The following SLC6A17 variants were observed in gnomAD, a reference collection of about 807,000 sequenced individuals.
SLC6A17 encodes the protein sodium-dependent neutral amino acid transporter SLC6A17.
A neutral mutation model predicts 64.5 loss-of-function variants in SLC6A17; 21 were observed. The ratio of observed to expected loss-of-function variants is 0.33; its 90% CI spans 0.23 to 0.47. The LOEUF is 0.47. SLC6A17 is among the 20% of genes least tolerant of loss of function. The probability of loss-of-function intolerance (pLI) is 1.00; values close to 1 mark genes in which losing one functional copy is unlikely to be tolerated. For synonymous variants in SLC6A17, 372 were observed against 399.5 expected, an observed-to-expected ratio of 0.93 and a Z score of 0.82; for missense variants, 682 against 963.2, an observed-to-expected ratio of 0.71 and a Z score of 3.86.
chr1:110,153,060 A>T (rs1013489089), intron 1 of SLC6A17, among the ~76,000 whole-genome samples: 6 of 152,138 alleles, frequency 3.9e-5, no homozygotes, highest in African/African-American at 1.4e-4. Context: ...GTGTTGGGGT[A>T]GGGGTGGGGT....
chr1:110,198,011 G>C, intron 11 of SLC6A17, 65 bp from the exon 12 acceptor site: 1 of 1,549,782 alleles, frequency 6.5e-7, no homozygotes, highest in Admixed American at 1.8e-5. Flanking sequence ...GAGCAGTCTT[G>C]GAGGGCCTGG....
At chr1:110,186,885 G>C (rs139966233) in intron 6 of SLC6A17, among the ~76,000 whole-genome samples, 1 of 152,208 alleles carries the variant, frequency 6.6e-6, no homozygotes, top group East Asian at 1.9e-4. Flanking sequence ...ATTCATGGTG[G>C]GTTTTGAGAA....
chr1:110,169,979 G>A (rs934122485), intron 2 of SLC6A17, among the ~76,000 whole-genome samples: 1 of 152,206 alleles, frequency 6.6e-6, no homozygotes, highest in African/African-American at 2.4e-5. Context: ...GCCTGCCTGA[G>A]GTGGACAGAG....
chr1:110,179,744 G>A (rs1656470686), intron 6 of SLC6A17, among the ~76,000 whole-genome samples: 1 of 151,938 alleles, frequency 6.6e-6, no homozygotes. Context: ...GTAGAGACGG[G>A]GTTTCTCCAT....
intron 6 of SLC6A17, among the ~76,000 whole-genome samples, chr1:110,182,316 G>A (rs1656551451): frequency 6.6e-6 from 1 of 152,158 alleles, no homozygotes; most frequent in African/African-American, 2.4e-5. Flanking sequence ...GACAGTGGAG[G>A]GAACAGATTT....
intron 5 of SLC6A17, 107 bp from the exon 6 acceptor site, chr1:110,176,522 T>G (rs1041888542): frequency 1.2e-5 from 13 of 1,051,910 alleles, no homozygotes; most frequent in African/African-American, 1.1e-4. Flanking sequence ...GGCTCTGTTT[T>G]CTGCTGCCAT....
At chr1:110,173,937 G>GTAGCATTAAAAAA in intron 3 of SLC6A17, 36 bp from the exon 4 acceptor site, 2 of 1,597,658 alleles carry the variant, frequency 1.3e-6, no homozygotes, top group South Asian at 2.3e-5. Context: ...GGAGTTGCCT[G>GTAGCATTAAAAAA]CAGCCTCAGT....
chr1:110,199,980 G>A lies in SLC6A17; in HGVS notation c.*1536G>A. The A allele has an allele frequency of 2.5e-6, 1 of 397,684 alleles. No homozygotes were observed. Among genetic ancestry groups the A allele is most frequent in the East Asian group, 3.6e-5 (1 of 28,006 alleles). The allele number at this position is 397,684 out of a possible 1,614,324, so 24.6% of individuals were successfully genotyped here. On this transcript the variant is annotated 3_prime_UTR_variant, in exon 12 of 12. Coordinates refer to ENST00000331565, the MANE Select transcript of SLC6A17 (RefSeq NM_001010898.4). ...GGATGGATGGATGGACGGATGGGGT[G>A]GGGGAAGGAAGGAAAGGAGGGAGAA...
At chr1:110,161,533 G>A (rs575744507) in intron 1 of SLC6A17, among the ~76,000 whole-genome samples, 11 of 152,224 alleles carry the variant, frequency 7.2e-5, no homozygotes, top group Middle Eastern at 6.8e-3. Flanking sequence ...GGGGAGGGGC[G>A]GGGCAGGGTA....
At chr1:110,174,651 A>G (rs1043468561) in intron 4 of SLC6A17, 128 bp from the exon 5 acceptor site, 1 of 1,172,050 alleles carries the variant, frequency 8.5e-7, no homozygotes. Flanking sequence ...CAAGATGAGC[A>G]CAGCCCCTCC....
rs1354511169 is a variant in SLC6A17, at chr1:110,199,774, G to C, written c.*1330G>C. ...GCCATTACCTTCAGGGCCTCCTCTGGAAGAGAACCCATTCTCAGAGTGCAG... is the reference window on the plus strand; with the variant it reads ...GCCATTACCTTCAGGGCCTCCTCTGCAAGAGAACCCATTCTCAGAGTGCAG... On this transcript the variant is annotated 3_prime_UTR_variant, in exon 12 of 12. Transcript: ENST00000331565. The C allele has an allele frequency of 5.1e-6, 2 of 394,284 alleles. No individual in the cohort carries two copies. Among genetic ancestry groups the C allele is most frequent in the Non-Finnish European group, 8.9e-6 (2 of 223,974 alleles). The allele number at this position is 394,284 out of a possible 1,614,324, so 24.4% of individuals were successfully genotyped here. A position where few individuals can be genotyped will look rare whatever the true frequency, so the allele number is the denominator to read the frequency against.
At chr1:110,161,389 A>G (rs1304193637) in intron 1 of SLC6A17, among the ~76,000 whole-genome samples, 1 of 151,980 alleles carries the variant, frequency 6.6e-6, no homozygotes, top group Non-Finnish European at 1.5e-5. Context: ...GACCACTTCC[A>G]CTGATTTCCT....
chr1:110,197,512 T>A lies in SLC6A17; in HGVS notation c.1728T>A (p.Ser576=). Residue 576 remains serine (S), a synonymous_variant, in exon 11 of 12, where the codon TCT becomes TCA. Transcript: ENST00000331565. ...ATTTCTACATGTGGAAGTTCGTGTC[T>A]CCACTATGCATGGCTGTGCTCACCA... ...RFYFYMWKFV[S]PLCMAVLTTA... 1 of 1,613,728 alleles carries A rather than the reference T, an allele frequency of 6.2e-7. No individual in the cohort carries two copies. Among genetic ancestry groups the A allele is most frequent in the East Asian group, 2.2e-5 (1 of 44,870 alleles).
In SLC6A17 at chr1:110,198,184, C is replaced by T; in HGVS notation, c.1924C>T (p.His642Tyr). The change falls in exon 12 of 12, where the codon CAC becomes TAC. Residue 642 changes from histidine to tyrosine, a missense_variant. Coordinates refer to ENST00000331565, the MANE Select transcript of SLC6A17 (RefSeq NM_001010898.4). The stretch of plus-strand genomic sequence containing the variant: ...TGTGGTGTTCGTCCTGCGGCACTTC[C>T]ACCTGCTCTCTGATGGCTCCAACAC... ...IPVVFVLRHF[H>Y]LLSDGSNTLS... 1.2e-6 allele frequency: 2 copies of T among 1,614,162 alleles called. No individual in the cohort carries two copies. Among genetic ancestry groups the T allele is most frequent in the Middle Eastern group, 3.3e-4 (2 of 6,062 alleles).
At chr1:110,169,447 G>A (rs1032355133) in intron 2 of SLC6A17, among the ~76,000 whole-genome samples, 2 of 152,134 alleles carry the variant, frequency 1.3e-5, no homozygotes, top group Non-Finnish European at 2.9e-5. Context: ...TTACCCAGAT[G>A]AGAAAACCAG....
chr1:110,160,131 A>C (rs1162022786), intron 1 of SLC6A17, among the ~76,000 whole-genome samples: 4 of 152,216 alleles, frequency 2.6e-5, no homozygotes, highest in Non-Finnish European at 5.9e-5. Context: ...GCTGGTAGGT[A>C]AGCAGGCAAG....
rs1655563737 is a variant in SLC6A17 at position 110,150,515 on chromosome 1, G to A, written c.-456G>A. 6.6e-6 allele frequency: 1 copy of A among 152,236 alleles called. No homozygotes were observed. Among genetic ancestry groups the A allele is most frequent in the Non-Finnish European group, 1.5e-5 (1 of 68,090 alleles). 9.4% of individuals were successfully genotyped at this position (152,236 alleles called of 1,614,324 possible). On this transcript the variant is annotated 5_prime_UTR_variant, in exon 1 of 12. In the 5' UTR this introduces an upstream ATG that the reference lacks. Coordinates refer to ENST00000331565, the MANE Select transcript of SLC6A17 (RefSeq NM_001010898.4). ...TGGCCTTTCGGAAAGCGAGGGAACA[G>A]TGCGCGCAGCGCTCCGCCCAGCTCC...
chr1:110,174,995 G>C, intron 5 of SLC6A17, 35 bp downstream of exon 5: 1 of 1,596,644 alleles, frequency 6.3e-7, no homozygotes, highest in Non-Finnish European at 8.5e-7. Flanking sequence ...GACCCAAATG[G>C]GGAACAGCAG....
In SLC6A17 at chr1:110,186,127, C is replaced by T. The variant is rs142919623; in HGVS notation, c.865-5845C>T. On this transcript the variant is annotated intron_variant, in intron 6 of 11. Coordinates refer to ENST00000331565, the MANE Select transcript of SLC6A17 (RefSeq NM_001010898.4). ...CCATAATTTTTTAGTGGAAAAAGAG[C>T]AATCTTAACAAACAAATTTTTTTTC... Among the ~76,000 whole-genome samples the T allele has an allele frequency of 3.9e-3, 588 of 152,246 alleles. 3 individuals are homozygous for T. The highest frequency in any genetic ancestry group is 0.013 in the African/African-American group (542 of 41,526).
Sources: allele counts gnomAD v4.1 joint callset (sites outside exome capture counted in the v4.1 genomes callset), GRCh38; gene constraint gnomAD v4.1.1; transcripts MANE v1.5; gene names NCBI Gene and HGNC (gene_info 2026-07-23, HGNC 2026-07-21).